SYNPR: variants seen among roughly 807,000 people sequenced by gnomAD.
SYNPR encodes synaptoporin.
A neutral mutation model predicts 32.9 loss-of-function variants in SYNPR; 23 were observed. The observed-to-expected ratio is 0.70, with a 90% CI of 0.50 to 0.99. The LOEUF is 0.99. Among genes scored for constraint, SYNPR ranks in the 50% least tolerant of loss-of-function variants. The probability of loss-of-function intolerance (pLI) is 0.00; values close to 1 mark genes in which losing one functional copy is unlikely to be tolerated. For missense variants in SYNPR, 318 were observed against 349.3 expected (o/e 0.91, Z 0.71); for synonymous variants, 146 against 135.9 (o/e 1.07, Z -0.52).
At chr3:63,540,939 AC>A (rs1702290693) in intron 3 of SYNPR, among the ~76,000 whole-genome samples, 1 of 147,694 alleles carries the variant, frequency 6.8e-6, no homozygotes, top group Admixed American at 6.8e-5. Context: ...CAACACACAC[AC>A]ACACACACAC....
intron 4 of SYNPR, among the ~76,000 whole-genome samples, chr3:63,580,369 A>T (rs1166333412): frequency 6.6e-6 from 1 of 152,210 alleles, no homozygotes; most frequent in Admixed American, 6.5e-5. Flanking sequence ...TTCTTTCCTC[A>T]TAGCAATACA....
At chr3:63,539,458 A>AGAC (rs1236008716) in intron 3 of SYNPR, among the ~76,000 whole-genome samples, 11 of 152,122 alleles carry the variant, frequency 7.2e-5, no homozygotes, top group African/African-American at 2.7e-4. Context: ...TCTGGTATCT[A>AGAC]AATACTAAAA....
At chr3:63,334,822 C>G (rs1395827553) in intron 2 of SYNPR, among the ~76,000 whole-genome samples, 1 of 142,924 alleles carries the variant, frequency 7.0e-6, no homozygotes, top group African/African-American at 2.5e-5. Flanking sequence ...GCCGTTTTTG[C>G]CATCACTTTC....
chr3:63,519,459 C>G (rs75194488), intron 3 of SYNPR, among the ~76,000 whole-genome samples: 5,187 of 152,184 alleles, frequency 0.034, 281 homozygotes, highest in African/African-American at 0.11. Context: ...TCCCTGAGTT[C>G]CCTTCTTCGT....
chr3:63,528,311 G>A (rs952407062), intron 3 of SYNPR, among the ~76,000 whole-genome samples: 1 of 152,180 alleles, frequency 6.6e-6, no homozygotes, highest in East Asian at 1.9e-4. Flanking sequence ...TATCTTTTCT[G>A]AGGTCATGTC....
At chr3:63,365,840 T>G (rs947952770) in intron 2 of SYNPR, among the ~76,000 whole-genome samples, 8 of 152,196 alleles carry the variant, frequency 5.3e-5, no homozygotes, top group Non-Finnish European at 1.0e-4. Flanking sequence ...TGAAAAGCAA[T>G]GTGAACATGT....
chr3:63,239,676 T>G (rs1011916616), intron 1 of SYNPR, among the ~76,000 whole-genome samples: 2 of 151,342 alleles, frequency 1.3e-5, no homozygotes, highest in Non-Finnish European at 2.9e-5. Context: ...CACCTTACCA[T>G]TGTCATCTAT....
At chr3:63,513,495 G>A (rs1246385133) in intron 3 of SYNPR, among the ~76,000 whole-genome samples, 4 of 152,074 alleles carry the variant, frequency 2.6e-5, no homozygotes, top group African/African-American at 9.7e-5. Flanking sequence ...TAGGATAGAT[G>A]AACCAAATGT....
chr3:63,439,754 C>T (rs1231126836), intron 2 of SYNPR, among the ~76,000 whole-genome samples: 1 of 152,194 alleles, frequency 6.6e-6, no homozygotes, highest in African/African-American at 2.4e-5. Flanking sequence ...TCTGTATCTG[C>T]TATGAATATG....
chr3:63,610,063 C>A (rs997078626), intron 5 of SYNPR, among the ~76,000 whole-genome samples: 1 of 152,210 alleles, frequency 6.6e-6, no homozygotes, highest in Middle Eastern at 3.4e-3. Context: ...ATACACAGAC[C>A]TAGTAGGGTG....
At chr3:63,544,509 T>A (rs530680080) in intron 3 of SYNPR, among the ~76,000 whole-genome samples, 13 of 152,190 alleles carry the variant, frequency 8.5e-5, no homozygotes, top group African/African-American at 3.1e-4. Flanking sequence ...TAATCTGGCA[T>A]ATATATTGAA....
Position 63,269,138 on chromosome 3 carries a change from G to A in SYNPR, n.287+1689G>A, listed in dbSNP as rs549340902. On this transcript the variant is annotated intron_variant and non_coding_transcript_variant, in intron 3 of 4. Coordinates refer to the SYNPR transcript ENST00000478456. The stretch of plus-strand genomic sequence containing the variant: ...ATTATTCTCACAAATGCTTGACCAT[G>A]GAAAGGTGGGTGTGGGAGTTCAAGT... Among the ~76,000 whole-genome samples, 245 of 152,300 alleles carry A rather than the reference G, an allele frequency of 1.6e-3. 1 individual carries two copies. The highest frequency in any genetic ancestry group is 5.6e-3 in the African/African-American group (231 of 41,570).
chr3:63,599,651 C>G (rs1445024052), intron 4 of SYNPR, among the ~76,000 whole-genome samples: 1 of 152,134 alleles, frequency 6.6e-6, no homozygotes, highest in African/African-American at 2.4e-5. Context: ...GGTTAAGTGA[C>G]AGATGACGGT....
At chr3:63,211,790 T>C in the SYNPR span, among the ~76,000 whole-genome samples, 1 of 143,338 alleles carries the variant, frequency 7.0e-6, no homozygotes, top group African/African-American at 2.6e-5. Context: ...ACATGTGCCA[T>C]GCTGGTGCGC....
chr3:63,324,875 C>G (rs1435983665), intron 2 of SYNPR, among the ~76,000 whole-genome samples: 3 of 152,026 alleles, frequency 2.0e-5, no homozygotes, highest in Non-Finnish European at 4.4e-5. Flanking sequence ...CTACACGGAC[C>G]TCAGGAGAGA....
At chr3:63,351,349 T>C (rs1483705420) in intron 2 of SYNPR, 1 of 152,230 alleles carries the variant, frequency 6.6e-6, no homozygotes, top group East Asian at 1.9e-4. Flanking sequence ...CAATACTGCA[T>C]ACTTCCAGTA....
chr3:63,254,089 G>T (rs963197191), intron 2 of SYNPR, among the ~76,000 whole-genome samples: 1 of 152,044 alleles, frequency 6.6e-6, no homozygotes, highest in East Asian at 1.9e-4. Flanking sequence ...AACACCGCAT[G>T]TTCTCACTCA....
chr3:63,603,524 G>T (rs557838873), intron 4 of SYNPR, among the ~76,000 whole-genome samples: 62 of 152,202 alleles, frequency 4.1e-4, no homozygotes, highest in African/African-American at 1.3e-3. Context: ...TTTCTTCAAT[G>T]CCTAGTTTGT....
At chr3:63,428,230 A>G (rs972276417) in intron 2 of SYNPR, among the ~76,000 whole-genome samples, 1 of 152,242 alleles carries the variant, frequency 6.6e-6, no homozygotes, top group Non-Finnish European at 1.5e-5. Flanking sequence ...AGATTTTAAA[A>G]AGCAGGTGTA....
Sources: allele counts gnomAD v4.1 joint callset (sites outside exome capture counted in the v4.1 genomes callset), GRCh38; gene constraint gnomAD v4.1.1; transcripts MANE v1.5; gene names NCBI Gene and HGNC (gene_info 2026-07-23, HGNC 2026-07-21).